BSG: variants seen among roughly 807,000 people sequenced by gnomAD.
The protein encoded by BSG is basigin.
A neutral mutation model predicts 43.1 loss-of-function variants in BSG; 37 were observed. The ratio of observed to expected loss-of-function variants is 0.86; its 90% CI spans 0.66 to 1.13. The LOEUF (loss-of-function observed/expected upper bound fraction) is 1.13. Ranked by LOEUF, BSG falls within the 50% of genes most tolerant of loss-of-function variation. BSG has a pLI of 0.00. For missense variants in BSG, 599 were observed against 554.2 expected (o/e 1.08, Z -0.81); for synonymous variants, 309 against 238.7 (o/e 1.29, Z -2.72).
At chr19:582,173 T>A in intron 6 of BSG, 133 bp from the exon 7 acceptor site, 2 of 1,189,418 alleles carry the variant, frequency 1.7e-6, no homozygotes, top group South Asian at 1.4e-5. Flanking sequence ...GCTGATGAGC[T>A]GCCCCGAGCC....
chr19:580,604 G>T, intron 4 of BSG, 42 bp from the exon 5 acceptor site: 2 of 1,611,170 alleles, frequency 1.2e-6, no homozygotes, highest in Non-Finnish European at 1.7e-6. Flanking sequence ...GGATGGGGGC[G>T]GGCCTGCGGT....
At chr19:573,287 G>T (rs1014541175) in intron 1 of BSG, among the ~76,000 whole-genome samples, 19 of 152,270 alleles carry the variant, frequency 1.2e-4, no homozygotes, top group African/African-American at 4.3e-4. Context: ...TCTGGAGACG[G>T]GTCCACCCTG....
chr19:578,757 T>G, intron 2 of BSG: 1 of 255,824 alleles, frequency 3.9e-6, no homozygotes, highest in Non-Finnish European at 7.8e-6. Flanking sequence ...TTCCTGGAGA[T>G]GGAGTCTTGC....
upstream of BSG, chr19:572,481 C>T (rs1161153530): frequency 2.5e-6 from 3 of 1,177,730 alleles, no homozygotes; most frequent in Non-Finnish European, 3.1e-6. Flanking sequence ...CGCGCGTGCG[C>T]AGGCGGGGCG....
intron 5 of BSG, among the ~76,000 whole-genome samples, 186 bp downstream of exon 5, chr19:580,968 G>A (rs1982256256): frequency 1.5e-5 from 2 of 136,244 alleles, no homozygotes; most frequent in Non-Finnish European, 3.2e-5. Context: ...CCTCCGGACT[G>A]GGTGAGGGGC....
At chr19:580,518 C>A (rs1600495161) in intron 4 of BSG, 57 bp downstream of exon 4, 1 of 1,604,702 alleles carries the variant, frequency 6.2e-7, no homozygotes, top group Non-Finnish European at 8.5e-7. Context: ...AAGTTGTTGG[C>A]CTGAGGCACC....
chr19:582,210 C>A (rs1286521711), intron 6 of BSG, 96 bp from the exon 7 acceptor site: 11 of 1,528,128 alleles, frequency 7.2e-6, no homozygotes, highest in East Asian at 6.8e-5. Context: ...GAGGGCAGGG[C>A]TGGCAGCACA....
In BSG at chr19:578,786, G is replaced by A. The variant is rs1600489654; in HGVS notation, c.415+665G>A. On this transcript the variant is annotated intron_variant, in intron 2 of 8. Coordinates refer to ENST00000333511, the MANE Select transcript of BSG (RefSeq NM_001728.4). ...GTCTTGCTGTTCCCAGGTGGAGTGT[G>A]GTGGCACAATCTCGGCTCACTGCAA... 9 of 330,802 alleles carry A rather than the reference G, an allele frequency of 2.7e-5. 1 individual carries two copies. The highest frequency in any genetic ancestry group is 2.1e-4 in the South Asian group (9 of 43,022). 20.5% of individuals were successfully genotyped at this position (330,802 alleles called of 1,614,324 possible).
intron 1 of BSG, among the ~76,000 whole-genome samples, chr19:576,961 C>CG (rs566188546): frequency 0.16 from 20,973 of 133,388 alleles, 1,642 homozygotes; most frequent in South Asian, 0.3. Context: ...GACGTGTGTC[C>CG]TTGTGTGTGT....
At position 577,928 on chromosome 19, in the gene BSG, C is replaced by T. The variant is rs779664322; in HGVS notation, c.222C>T (p.Ala74=). The T allele has an allele frequency of 6.9e-6, 11 of 1,604,592 alleles. No homozygotes were observed. The Admixed American group carries it at 1.5e-4, about 22-fold the overall frequency. The change falls in exon 2 of 9, where the codon GCC becomes GCT. Residue 74 remains alanine, a synonymous_variant. Transcript: ENST00000333511. ...NDTCSQLWDG[A]RLDRVHIHAT... is the part of the protein sequence containing the mutation. ...CCTGCTCCCAGCTCTGGGACGGCGCCCGGCTGGACCGCGTCCACATCCACG... is the reference window on the plus strand; with the variant it reads ...CCTGCTCCCAGCTCTGGGACGGCGCTCGGCTGGACCGCGTCCACATCCACG...
chr19:583,388 C>T lies in BSG; in HGVS notation c.*644C>T, dbSNP rs929186044. 1 of 152,326 alleles carries T rather than the reference C, an allele frequency of 6.6e-6. No individual in the cohort carries two copies. Among genetic ancestry groups the T allele is most frequent in the African/African-American group, 2.4e-5 (1 of 41,452 alleles). 9.4% of individuals were successfully genotyped at this position (152,326 alleles called of 1,614,324 possible). ...GACTCCAGAACCGCAGAAGCCTCCC[C>T]AGCTCACCCCTGGAGGACGGCCGGC... On this transcript the variant is annotated 3_prime_UTR_variant, in exon 9 of 9. Transcript: ENST00000333511.
intron 1 of BSG, among the ~76,000 whole-genome samples, chr19:573,001 T>C (rs1981412234): frequency 6.6e-6 from 1 of 151,408 alleles, no homozygotes; most frequent in African/African-American, 2.4e-5. Flanking sequence ...AGCCAGGGGG[T>C]CCTGGCCAGG....
In BSG at chr19:572,603, G is replaced by A; in HGVS notation, c.-32G>A. ...GCCGCGGGCGGCGGCGGCAGCGGTT[G>A]GAGGTTGTAGGACCGGCGAGGAATA... On this transcript the variant is annotated 5_prime_UTR_variant, in exon 1 of 9. Coordinates refer to ENST00000333511, the MANE Select transcript of BSG (RefSeq NM_001728.4). The A allele has an allele frequency of 2.0e-6, 3 of 1,472,814 alleles. No individual in the cohort carries two copies. Among genetic ancestry groups the A allele is most frequent in the South Asian group, 2.6e-5 (2 of 75,682 alleles). 91.2% of individuals were successfully genotyped at this position (1,472,814 alleles called of 1,614,324 possible). A position where few individuals can be genotyped will look rare whatever the true frequency, so the allele number is the denominator to read the frequency against.
At chr19:580,028 C>T (rs1214767971) in intron 3 of BSG, 26 of 410,638 alleles carry the variant, frequency 6.3e-5, no homozygotes, top group Non-Finnish European at 4.8e-5. Flanking sequence ...CTGTCATGGC[C>T]GGAGCTTTGT....
In BSG at chr19:582,910, G is replaced by C. The variant is rs1982465395; in HGVS notation, c.*166G>C. 2.6e-6 allele frequency: 1 copy of C among 390,360 alleles called. No homozygotes were observed. The highest frequency in any genetic ancestry group is 2.1e-5 in the African/African-American group (1 of 48,280). 24.2% of individuals were successfully genotyped at this position (390,360 alleles called of 1,614,324 possible). On this transcript the variant is annotated 3_prime_UTR_variant, in exon 9 of 9. Transcript: ENST00000333511. ...AAAAAAGTTGGGTTTTCTCCATTCA[G>C]GATTCTGTTCCTTAGGTTTTTTTCC...
chr19:574,716 C>T (rs568006717), intron 1 of BSG, among the ~76,000 whole-genome samples: 2 of 152,166 alleles, frequency 1.3e-5, no homozygotes, highest in African/African-American at 2.4e-5. Flanking sequence ...GGGGCTCCTT[C>T]TTCCAGAGGC....
At chr19:581,811 C>CAGCCT (rs1299270123) in intron 6 of BSG, among the ~76,000 whole-genome samples, 3 of 152,248 alleles carry the variant, frequency 2.0e-5, no homozygotes, top group Non-Finnish European at 2.9e-5. Flanking sequence ...GGAGGCGGCA[C>CAGCCT]CTCCGCCCCA....
In BSG at chr19:581,364, G is replaced by C. The variant is rs781492579; in HGVS notation, c.842G>C (p.Gly281Ala). The change falls in exon 6 of 9, where the codon GGC becomes GCC. Residue 281 changes from glycine to alanine, a missense_variant. Physicochemically the swap from Gly to Ala is moderately conservative, Grantham distance 60. Coordinates refer to ENST00000333511, the MANE Select transcript of BSG (RefSeq NM_001728.4). ...ESRFFVSSSQ[G>A]RSELHIENLN... The stretch of plus-strand genomic sequence containing the variant: ...AGGTTCTTCGTGAGTTCCTCGCAGG[G>C]CCGGTCAGAGCTACACATTGAGAAC... The C allele has an allele frequency of 6.2e-7, 1 of 1,612,818 alleles. No individual in the cohort carries two copies. Among genetic ancestry groups the C allele is most frequent in the Non-Finnish European group, 8.5e-7 (1 of 1,179,936 alleles).
At position 581,527 on chromosome 19, in the gene BSG, G is replaced by T; in HGVS notation, c.1005G>T (p.Val335=). The T allele has an allele frequency of 6.3e-7, 1 of 1,596,714 alleles. No homozygotes were observed. Among genetic ancestry groups the T allele is most frequent in the Non-Finnish European group, 8.5e-7 (1 of 1,172,586 alleles). ...CCTTCCTGGGCATCGTGGCTGAGGT[G>T]CTGGTGCTGGTCACCATCATCTTCA... The part of the protein sequence containing the change: ...LWPFLGIVAE[V]LVLVTIIFIY... Residue 335 remains valine, a synonymous_variant, in exon 6 of 9, where the codon GTG becomes GTT. Transcript: ENST00000333511.
Sources: allele counts gnomAD v4.1 joint callset (sites outside exome capture counted in the v4.1 genomes callset), GRCh38; gene constraint gnomAD v4.1.1; transcripts MANE v1.5; gene names NCBI Gene and HGNC (gene_info 2026-07-23, HGNC 2026-07-21).